THOC3: variants seen among roughly 807,000 people sequenced by gnomAD.
THOC3 encodes the protein TEX1 homolog.
THOC3 carries 4 observed loss-of-function variants against 23.3 expected under a neutral mutation model. The observed-to-expected ratio is 0.17, with a 90% CI of 0.08 to 0.39. THOC3 has a LOEUF of 0.39. Ranked by LOEUF, THOC3 falls within the 10% of genes least tolerant of loss-of-function variation. The probability of loss-of-function intolerance (pLI) is 1.00; values close to 1 mark genes in which losing one functional copy is unlikely to be tolerated. For missense variants in THOC3, 64 were observed against 359.4 expected, an observed-to-expected ratio of 0.18 and a Z score of 6.65; for synonymous variants, 27 against 141.5, an observed-to-expected ratio of 0.19 and a Z score of 5.74.
In THOC3 at chr5:175,968,060, T is replaced by C. The variant is rs1756811267; in HGVS notation, c.149A>G (p.Glu50Gly). The C allele has an allele frequency of 1.9e-6, 3 of 1,611,642 alleles. No individual in the cohort carries two copies. The highest frequency in any genetic ancestry group is 2.5e-6 in the Non-Finnish European group (3 of 1,179,782). Residue 50 changes from glutamate to glycine, a missense_variant, in exon 1 of 6, where the codon GAG becomes GGG. Physicochemically the swap from Glu to Gly is moderately conservative, Grantham distance 98. Coordinates refer to ENST00000265097, the MANE Select transcript of THOC3 (RefSeq NM_032361.4). Reference protein sequence around the residue: ...ELFRGHSKTREFLAHSAKVHS... With the variant: ...ELFRGHSKTRGFLAHSAKVHS... ...CACCTTGGCGCTGTGCGCCAGGAAC[T>C]CGCGCGTCTTGCTGTGGCCCCGGAA... is the stretch of plus-strand genomic sequence containing the variant.
chr5:175,965,199 A>C (rs1351678678), intron 2 of THOC3, 44 bp from the exon 3 acceptor site: 4 of 1,612,554 alleles, frequency 2.5e-6, no homozygotes. Context: ...GTTTGCTCAT[A>C]ATCTTCCACA....
intron 3 of THOC3, among the ~76,000 whole-genome samples, chr5:175,962,167 T>C (rs1581129123): frequency 6.6e-6 from 1 of 151,408 alleles, no homozygotes; most frequent in East Asian, 1.9e-4. Context: ...GTCATCACAT[T>C]GGTGGTAGCA....
At chr5:175,962,974 A>G (rs1369706106) in intron 3 of THOC3, among the ~76,000 whole-genome samples, 1 of 152,158 alleles carries the variant, frequency 6.6e-6, no homozygotes, top group African/African-American at 2.4e-5. Flanking sequence ...AGAGGTTCTT[A>G]TTGGCCAAAG....
At chr5:175,962,417 T>TACACACACACAC (rs775994149) in intron 3 of THOC3, among the ~76,000 whole-genome samples, 3,103 of 38,250 alleles carry the variant, frequency 0.081, 201 homozygotes, top group Middle Eastern at 0.2. Flanking sequence ...AATATATATA[T>TACACACACACAC]ATATACACAC....
chr5:175,963,070 A>T (rs994898552), intron 3 of THOC3, among the ~76,000 whole-genome samples: 1 of 152,238 alleles, frequency 6.6e-6, no homozygotes, highest in Non-Finnish European at 1.5e-5. Flanking sequence ...GCCCGTAATG[A>T]TTCTTTAAAA....
chr5:175,962,010 T>C (rs1395885485), intron 3 of THOC3, among the ~76,000 whole-genome samples: 1 of 149,496 alleles, frequency 6.7e-6, no homozygotes, highest in African/African-American at 2.5e-5. Flanking sequence ...ACACTGAATA[T>C]ACAGTTTCTT....
intron 2 of THOC3, 132 bp from the exon 3 acceptor site, chr5:175,965,287 G>T (rs1186569834): frequency 7.0e-7 from 1 of 1,425,118 alleles, no homozygotes; most frequent in Non-Finnish European, 9.5e-7. Flanking sequence ...CAATGGAAGG[G>T]AGCTACCACT....
chr5:175,965,047 T>C lies in THOC3; in HGVS notation c.533A>G (p.Glu178Gly). 1.3e-6 allele frequency: 2 copies of C among 1,570,950 alleles called. No individual in the cohort carries two copies. Among genetic ancestry groups the C allele is most frequent in the Non-Finnish European group, 1.7e-6 (2 of 1,150,638 alleles). Residue 178 changes from glutamate to glycine, a missense_variant, in exon 3 of 6, where the codon GAA becomes GGA. Physicochemically the swap from Glu to Gly is moderately conservative, Grantham distance 98. Coordinates refer to ENST00000265097, the MANE Select transcript of THOC3 (RefSeq NM_032361.4). ...GTTGACCTCGAACTTGAACTGCTCT[T>C]CTGCTTTGGAACGGTGTGTCTTGGC... ...IDAKTHRSKA[E>G]EQFKFEVNEI...
At chr5:175,966,019 C>CG (rs776758389) in intron 2 of THOC3, among the ~76,000 whole-genome samples, 9 of 151,640 alleles carry the variant, frequency 5.9e-5, no homozygotes, top group Non-Finnish European at 1.0e-4. Context: ...TGGCAAAACC[C>CG]GTCTCTACAA....
intron 3 of THOC3, among the ~76,000 whole-genome samples, chr5:175,964,410 G>C (rs1444117590): frequency 6.6e-6 from 1 of 152,270 alleles, no homozygotes; most frequent in Non-Finnish European, 1.5e-5. Context: ...CCTGAGGTCG[G>C]GAGTTGGAGA....
chr5:175,962,421 T>TACACACACACAC (rs59077860), intron 3 of THOC3, among the ~76,000 whole-genome samples: 8 of 44,184 alleles, frequency 1.8e-4, no homozygotes, highest in African/African-American at 5.2e-4. Flanking sequence ...TATATATATA[T>TACACACACACAC]ACACACACAC....
rs758446436 is a variant in THOC3, at chr5:175,965,043, C to T, written c.537G>A (p.Glu179=). 1.9e-6 allele frequency: 3 copies of T among 1,562,174 alleles called. No individual in the cohort carries two copies. The highest frequency in any genetic ancestry group is 2.6e-6 in the Non-Finnish European group (3 of 1,143,124). The part of the protein sequence containing the change: ...DAKTHRSKAE[E]QFKFEVNEIS... The stretch of plus-strand genomic sequence containing the variant: ...TTTCGTTGACCTCGAACTTGAACTG[C>T]TCTTCTGCTTTGGAACGGTGTGTCT... The change falls in exon 3 of 6, where the codon GAG becomes GAA. Residue 179 remains glutamate, a synonymous_variant. Transcript: ENST00000265097.
At chr5:175,965,607 A>T (rs1425949948) in intron 2 of THOC3, among the ~76,000 whole-genome samples, 1 of 152,188 alleles carries the variant, frequency 6.6e-6, no homozygotes, top group East Asian at 1.9e-4. Flanking sequence ...TTGTATTTTT[A>T]GTAGAGACGG....
At chr5:175,962,280 A>C (rs952755391) in intron 3 of THOC3, among the ~76,000 whole-genome samples, 19 of 145,096 alleles carry the variant, frequency 1.3e-4, no homozygotes, top group South Asian at 2.2e-4. Flanking sequence ...TGCCCTTGAG[A>C]ACCAGAATAC....
chr5:175,961,769 G>T (rs1263163281), intron 3 of THOC3, among the ~76,000 whole-genome samples: 1 of 151,850 alleles, frequency 6.6e-6, no homozygotes, highest in Non-Finnish European at 1.5e-5. Context: ...ATACACAAGC[G>T]AGAAAACGAG....
chr5:175,962,407 AATATATATAT>A (rs201051870), intron 3 of THOC3, among the ~76,000 whole-genome samples: 2 of 53,078 alleles, frequency 3.8e-5, no homozygotes, highest in Non-Finnish European at 4.3e-5. Flanking sequence ...TTTATCTTTA[AATATATATAT>A]ATATACACAC....
intron 3 of THOC3, among the ~76,000 whole-genome samples, chr5:175,964,444 C>G (rs553056640): frequency 6.6e-6 from 1 of 152,246 alleles, no homozygotes; most frequent in Non-Finnish European, 1.5e-5. Flanking sequence ...CATGGAGAAA[C>G]CCTAAACTAC....
chr5:175,963,041 A>G (rs1756695975), intron 3 of THOC3, among the ~76,000 whole-genome samples: 2 of 152,262 alleles, frequency 1.3e-5, no homozygotes, highest in African/African-American at 4.8e-5. Context: ...AAACACACCA[A>G]CTATGTTTAA....
intron 3 of THOC3, among the ~76,000 whole-genome samples, chr5:175,962,516 G>C (rs1417627352): frequency 6.6e-4 from 71 of 108,008 alleles, no homozygotes; most frequent in Admixed American, 4.6e-3. Context: ...AAGAATGTAA[G>C]GCTCCTTTTT....
Sources: allele counts gnomAD v4.1 joint callset (sites outside exome capture counted in the v4.1 genomes callset), GRCh38; gene constraint gnomAD v4.1.1; transcripts MANE v1.5; gene names NCBI Gene and HGNC (gene_info 2026-07-23, HGNC 2026-07-21).